The following PLPP6 variants were observed in gnomAD, a reference collection of about 807,000 sequenced individuals.
The protein encoded by PLPP6 is polyisoprenoid diphosphate/phosphate phosphohydrolase PLPP6.
PLPP6 carries 16 observed loss-of-function variants against 16.5 expected under a neutral mutation model. The ratio of observed to expected loss-of-function variants is 0.97; its 90% CI spans 0.66 to 1.47. The LOEUF (loss-of-function observed/expected upper bound fraction) is 1.47. Ranked by LOEUF, PLPP6 falls within the 40% of genes most tolerant of loss-of-function variation. The probability of loss-of-function intolerance (pLI) is 0.00; values close to 1 mark genes in which losing one functional copy is unlikely to be tolerated. For missense variants in PLPP6, 512 were observed against 396.6 expected (o/e 1.29, Z -2.47); for synonymous variants, 226 against 188.1 (o/e 1.20, Z -1.65).
In PLPP6 at chr9:4,662,384, TC is replaced by T; in HGVS notation, c.13del (p.Arg5GlyfsTer90). The T allele has an allele frequency of 2.6e-6, 4 of 1,520,014 alleles. No homozygotes were observed. The highest frequency in any genetic ancestry group is 2.6e-6 in the Non-Finnish European group (3 of 1,141,510). 94.2% of individuals were successfully genotyped at this position (1,520,014 alleles called of 1,614,324 possible). A position where few individuals can be genotyped will look rare whatever the true frequency, so the allele number is the denominator to read the frequency against. On this transcript the variant is annotated frameshift_variant, in exon 1 of 1. Coordinates refer to ENST00000381883, the MANE Select transcript of PLPP6 (RefSeq NM_203453.5). LOFTEE classifies it high-confidence loss of function. This position sits in a 1 kb window ranked among gnomAD's most constrained non-coding sequence, Gnocchi z 4.9. MPSPRRSMEGRPLG... is the reference protein window; with the variant it reads MPSXRRSMEGRPLG... ...CCGGGCCGCCAGCTGCGATGCCAAG[TC>T]CCCGGAGGAGCATGGAGGGACGGCC...
chr9:4,662,434 G>A lies in PLPP6; in HGVS notation c.59G>A (p.Ser20Asn). The part of the protein sequence containing the change: ...GRPLGVSASS[S>N]SSSPGSPAHG... ...CCGCTGGGCGTCTCCGCTTCGAGCA[G>A]CAGCAGCAGCCCCGGCAGCCCAGCC... Residue 20 changes from serine (S) to asparagine (N), a missense_variant, in exon 1 of 1, where the codon AGC (serine) becomes AAC (asparagine). Ser to Asn is a conservative substitution (Grantham distance 46, BLOSUM62 1). Coordinates refer to ENST00000381883, the MANE Select transcript of PLPP6 (RefSeq NM_203453.5). This position sits in a 1 kb window ranked among gnomAD's most constrained non-coding sequence, Gnocchi z 4.9. The A allele has an allele frequency of 2.6e-6, 4 of 1,543,546 alleles. No individual in the cohort carries two copies. The highest frequency in any genetic ancestry group is 3.5e-6 in the Non-Finnish European group (4 of 1,153,202).
rs1041468444 is a variant in PLPP6, at chr9:4,664,399, G to C, written c.*1136G>C. 1 of 167,032 alleles carries C rather than the reference G, an allele frequency of 6.0e-6. No individual in the cohort carries two copies. Among genetic ancestry groups the C allele is most frequent in the Non-Finnish European group, 1.5e-5 (1 of 68,118 alleles). 10.3% of individuals were successfully genotyped at this position (167,032 alleles called of 1,614,324 possible). A position where few individuals can be genotyped will look rare whatever the true frequency, so the allele number is the denominator to read the frequency against. On this transcript the variant is annotated 3_prime_UTR_variant, in exon 1 of 1. Transcript: ENST00000381883. ...GAGGTACAGCACATTTTAGGTAACA[G>C]TATTTAACTTGAAATTCATCATGGG...
chr9:4,662,312 G>T lies in PLPP6; in HGVS notation c.-64G>T, dbSNP rs1839994610. The T allele has an allele frequency of 1.4e-6, 2 of 1,438,946 alleles. No homozygotes were observed. The highest frequency in any genetic ancestry group is 1.8e-6 in the Non-Finnish European group (2 of 1,101,992). The allele number at this position is 1,438,946 out of a possible 1,614,324, so 89.1% of individuals were successfully genotyped here. A position where few individuals can be genotyped will look rare whatever the true frequency, so the allele number is the denominator to read the frequency against. On this transcript the variant is annotated 5_prime_UTR_variant, in exon 1 of 1. Coordinates refer to ENST00000381883, the MANE Select transcript of PLPP6 (RefSeq NM_203453.5). The surrounding 1 kb of genome is among the most constrained non-coding windows in gnomAD (Gnocchi z 4.9). ...GGATGGTAGTGCGGAAGCGGAAGAG[G>T]CTGCAGGGCCGGGAAGCCTCTGTTT...
rs1177464798 is a variant in PLPP6, at chr9:4,663,301, G to A, written c.*38G>A. The A allele has an allele frequency of 1.3e-6, 2 of 1,584,320 alleles. No individual in the cohort carries two copies. The highest frequency in any genetic ancestry group is 1.3e-5 in the African/African-American group (1 of 74,196). ...GATTATGGCACCAGGAAGTCTGAAG[G>A]TTTCCACATTCGATGATGTCAACCT... On this transcript the variant is annotated 3_prime_UTR_variant, in exon 1 of 1. Coordinates refer to ENST00000381883, the MANE Select transcript of PLPP6 (RefSeq NM_203453.5).
At position 4,662,339 on chromosome 9, in the gene PLPP6, G is replaced by A. The variant is rs914904930; in HGVS notation, c.-37G>A. On this transcript the variant is annotated 5_prime_UTR_variant, in exon 1 of 1. Coordinates refer to ENST00000381883, the MANE Select transcript of PLPP6 (RefSeq NM_203453.5). The surrounding 1 kb of genome is among the most constrained non-coding windows in gnomAD (Gnocchi z 4.9). ...TGCAGGGCCGGGAAGCCTCTGTTTG[G>A]TCCGGCCAGGTCCCGGGATCCGGGC... is the stretch of plus-strand genomic sequence containing the variant. 24 of 1,467,888 alleles carry A rather than the reference G, an allele frequency of 1.6e-5. No homozygotes were observed. Among genetic ancestry groups the A allele is most frequent in the Non-Finnish European group, 2.1e-5 (24 of 1,117,036 alleles). The allele number at this position is 1,467,888 out of a possible 1,614,324, so 90.9% of individuals were successfully genotyped here. A position where few individuals can be genotyped will look rare whatever the true frequency, so the allele number is the denominator to read the frequency against.
rs1337480012 is a variant in PLPP6, at chr9:4,662,921, G to A, written c.546G>A (p.Leu182=). 1.2e-6 allele frequency: 2 copies of A among 1,610,408 alleles called. No individual in the cohort carries two copies. Among genetic ancestry groups the A allele is most frequent in the Admixed American group, 1.7e-5 (1 of 60,014 alleles). Residue 182 remains leucine, a synonymous_variant, in exon 1 of 1, where the codon TTG becomes TTA. Coordinates refer to ENST00000381883, the MANE Select transcript of PLPP6 (RefSeq NM_203453.5). This position sits in a 1 kb window ranked among gnomAD's most constrained non-coding sequence, Gnocchi z 4.9. ...TGTTGGACCTGCTGCTGGTGGCCTT[G>A]ATCAAAGGGCTGGTCCGCAGGCGCC... is the stretch of plus-strand genomic sequence containing the variant. ...ALLLDLLLVA[L]IKGLVRRRRP... is the part of the protein sequence containing the mutation.
Position 4,662,978 on chromosome 9 carries a change from CA to C in PLPP6, c.604del (p.Thr202LeufsTer19). 1 of 1,612,990 alleles carries C rather than the reference CA, an allele frequency of 6.2e-7. No individual in the cohort carries two copies. The highest frequency in any genetic ancestry group is 2.2e-5 in the East Asian group (1 of 44,842). On this transcript the variant is annotated frameshift_variant, in exon 1 of 1. Transcript: ENST00000381883. LOFTEE classifies it high-confidence loss of function. The surrounding 1 kb of genome is among the most constrained non-coding windows in gnomAD (Gnocchi z 4.9). ...CCCACAACCAGATGGACATGTTTGT[CA>C]CTCTCTCGGTGGACAAGTACTCCTT... The part of the protein sequence containing the change: ...PAHNQMDMFV[T>X]LSVDKYSFPS...
rs765139825 is a variant in PLPP6 at position 4,662,609 on chromosome 9, C to T, written c.234C>T (p.Pro78=). The change falls in exon 1 of 1, where the codon CCC becomes CCT. Residue 78 remains proline (P), a synonymous_variant. Transcript: ENST00000381883. The surrounding 1 kb of genome is among the most constrained non-coding windows in gnomAD (Gnocchi z 4.9). ...CCTTCCCCCTGGCCGCGGCGGGCCC[C>T]TCGCAGTCGCCCGCGCCTCCGCTGC... ...RGSFPLAAAG[P]SQSPAPPLPE... 3.2e-5 allele frequency: 51 copies of T among 1,595,256 alleles called. No homozygotes were observed. Among genetic ancestry groups the T allele is most frequent in the Non-Finnish European group, 4.1e-5 (48 of 1,178,154 alleles).
chr9:4,662,835 C>A lies in PLPP6; in HGVS notation c.460C>A (p.Leu154Met). The A allele has an allele frequency of 6.2e-7, 1 of 1,605,320 alleles. No individual in the cohort carries two copies. Among genetic ancestry groups the A allele is most frequent in the Non-Finnish European group, 8.5e-7 (1 of 1,179,960 alleles). The change falls in exon 1 of 1, where the codon CTG (leucine) becomes ATG (methionine). Residue 154 changes from leucine to methionine, a missense_variant. Leu to Met is a conservative substitution (Grantham distance 15, BLOSUM62 2). Transcript: ENST00000381883. The surrounding 1 kb of genome is among the most constrained non-coding windows in gnomAD (Gnocchi z 4.9). ...CTGGCTGCTGGGCACCCTCTACTGC[C>A]TGTGCAGGAGCGACAGCTGGGCCGG... The part of the protein sequence containing the change: ...IPWLLGTLYC[L>M]CRSDSWAGRE...
Position 4,662,999 on chromosome 9 carries a change from C to G in PLPP6, c.624C>G (p.Tyr208Ter), listed in dbSNP as rs142236109. ...TTGTCACTCTCTCGGTGGACAAGTA[C>G]TCCTTCCCCTCGGGCCATGCCACAA... ...DMFVTLSVDK[Y>*]SFPSGHATRA... The change falls in exon 1 of 1, where the codon TAC becomes TAG. Residue 208 changes from tyrosine (Y) to a stop codon, truncating the protein, a stop_gained. Transcript: ENST00000381883. LOFTEE classifies it high-confidence loss of function. This position sits in a 1 kb window ranked among gnomAD's most constrained non-coding sequence, Gnocchi z 4.9. 6.2e-7 allele frequency: 1 copy of G among 1,610,532 alleles called. No individual in the cohort carries two copies. Among genetic ancestry groups the G allele is most frequent in the Non-Finnish European group, 8.5e-7 (1 of 1,178,866 alleles).
chr9:4,662,406 C>G lies in PLPP6; in HGVS notation c.31C>G (p.Arg11Gly), dbSNP rs1473367843. The G allele has an allele frequency of 6.5e-7, 1 of 1,535,606 alleles. No homozygotes were observed. The highest frequency in any genetic ancestry group is 8.7e-7 in the Non-Finnish European group (1 of 1,148,952). MPSPRRSMEG[R>G]PLGVSASSSS... ...AAGTCCCCGGAGGAGCATGGAGGGA[C>G]GGCCGCTGGGCGTCTCCGCTTCGAG... The change falls in exon 1 of 1, where the codon CGG (arginine) becomes GGG (glycine). Residue 11 changes from arginine to glycine, a missense_variant. Coordinates refer to ENST00000381883, the MANE Select transcript of PLPP6 (RefSeq NM_203453.5). The surrounding 1 kb of genome is among the most constrained non-coding windows in gnomAD (Gnocchi z 4.9).
rs938368211 is a variant in PLPP6 at position 4,663,964 on chromosome 9, A to G, written c.*701A>G. The G allele has an allele frequency of 6.0e-6, 1 of 167,000 alleles. No homozygotes were observed. The highest frequency in any genetic ancestry group is 2.4e-5 in the African/African-American group (1 of 41,414). 10.3% of individuals were successfully genotyped at this position (167,000 alleles called of 1,614,324 possible). A position where few individuals can be genotyped will look rare whatever the true frequency, so the allele number is the denominator to read the frequency against. On this transcript the variant is annotated 3_prime_UTR_variant, in exon 1 of 1. Coordinates refer to ENST00000381883, the MANE Select transcript of PLPP6 (RefSeq NM_203453.5). ...CTCAAAAGATCTTTATGCATTTCCCACTACTCCCTTACTGTCTTTTAGCAT... is the reference window on the plus strand; with the variant it reads ...CTCAAAAGATCTTTATGCATTTCCCGCTACTCCCTTACTGTCTTTTAGCAT...
rs1467251979 is a variant in PLPP6 at position 4,662,370 on chromosome 9, G to A, written c.-6G>A. On this transcript the variant is annotated 5_prime_UTR_variant, in exon 1 of 1. Coordinates refer to ENST00000381883, the MANE Select transcript of PLPP6 (RefSeq NM_203453.5). The surrounding 1 kb of genome is among the most constrained non-coding windows in gnomAD (Gnocchi z 4.9). Reference sequence around the variant, plus strand: ...CCAGGTCCCGGGATCCGGGCCGCCAGCTGCGATGCCAAGTCCCCGGAGGAG... The same window carrying A: ...CCAGGTCCCGGGATCCGGGCCGCCAACTGCGATGCCAAGTCCCCGGAGGAG... The A allele has an allele frequency of 1.3e-6, 2 of 1,503,982 alleles. No homozygotes were observed. Among genetic ancestry groups the A allele is most frequent in the Non-Finnish European group, 1.8e-6 (2 of 1,134,500 alleles). The allele number at this position is 1,503,982 out of a possible 1,614,324, so 93.2% of individuals were successfully genotyped here.
rs1443563348 is a variant in PLPP6, at chr9:4,664,783, C to G, written c.*1520C>G. The G allele has an allele frequency of 6.0e-6, 1 of 167,076 alleles. No individual in the cohort carries two copies. The highest frequency in any genetic ancestry group is 1.5e-5 in the Non-Finnish European group (1 of 68,132). 10.3% of individuals were successfully genotyped at this position (167,076 alleles called of 1,614,324 possible). ...TAAGTAGGTTTTGATTGAGTGAAAGCATGAGCTTGTTCAGAGTGAGGGGCA... is the reference window on the plus strand; with the variant it reads ...TAAGTAGGTTTTGATTGAGTGAAAGGATGAGCTTGTTCAGAGTGAGGGGCA... On this transcript the variant is annotated 3_prime_UTR_variant, in exon 1 of 1. Coordinates refer to ENST00000381883, the MANE Select transcript of PLPP6 (RefSeq NM_203453.5).
chr9:4,663,119 A>G lies in PLPP6; in HGVS notation c.744A>G (p.Leu248=). 1 of 1,614,038 alleles carries G rather than the reference A, an allele frequency of 6.2e-7. No individual in the cohort carries two copies. The highest frequency in any genetic ancestry group is 1.1e-5 in the South Asian group (1 of 91,078). The change falls in exon 1 of 1, where the codon CTA becomes CTG. Residue 248 remains leucine (L), a synonymous_variant. Coordinates refer to ENST00000381883, the MANE Select transcript of PLPP6 (RefSeq NM_203453.5). ...LVVLWAFVLG[L]SRVMLGRHNV... ...TTCTGTGGGCCTTCGTCTTGGGCCT[A>G]TCCAGGGTCATGCTGGGGCGGCACA...
Position 4,664,006 on chromosome 9 carries a change from C to G in PLPP6, c.*743C>G. On this transcript the variant is annotated 3_prime_UTR_variant, in exon 1 of 1. Coordinates refer to ENST00000381883, the MANE Select transcript of PLPP6 (RefSeq NM_203453.5). ...TTTTAGCATTCAGAGAAAAAGCCAA[C>G]TTGCTTAAAGAGGAATCACTTAAAA... is the stretch of plus-strand genomic sequence containing the variant. The G allele has an allele frequency of 6.0e-6, 1 of 167,160 alleles. No individual in the cohort carries two copies. The allele number at this position is 167,160 out of a possible 1,614,324, so 10.4% of individuals were successfully genotyped here.
chr9:4,662,427 T>C lies in PLPP6; in HGVS notation c.52T>C (p.Ser18Pro). 6.5e-7 allele frequency: 1 copy of C among 1,541,674 alleles called. No individual in the cohort carries two copies. Among genetic ancestry groups the C allele is most frequent in the Non-Finnish European group, 8.7e-7 (1 of 1,152,216 alleles). ...GGGACGGCCGCTGGGCGTCTCCGCTTCGAGCAGCAGCAGCAGCCCCGGCAG... is the reference window on the plus strand; with the variant it reads ...GGGACGGCCGCTGGGCGTCTCCGCTCCGAGCAGCAGCAGCAGCCCCGGCAG... Reference protein sequence around the residue: ...MEGRPLGVSASSSSSSPGSPA... With the variant: ...MEGRPLGVSAPSSSSSPGSPA... The change falls in exon 1 of 1, where the codon TCG becomes CCG. Residue 18 changes from serine (S) to proline (P), a missense_variant. By Grantham distance (74) the Ser-to-Pro change is moderately conservative (BLOSUM62 -1). Coordinates refer to ENST00000381883, the MANE Select transcript of PLPP6 (RefSeq NM_203453.5). The surrounding 1 kb of genome is among the most constrained non-coding windows in gnomAD (Gnocchi z 4.9).
At position 4,664,727 on chromosome 9, in the gene PLPP6, C is replaced by T. The variant is rs1310104502; in HGVS notation, c.*1464C>T. 3 of 167,042 alleles carry T rather than the reference C, an allele frequency of 1.8e-5. No homozygotes were observed. The highest frequency in any genetic ancestry group is 7.2e-5 in the African/African-American group (3 of 41,424). The allele number at this position is 167,042 out of a possible 1,614,324, so 10.3% of individuals were successfully genotyped here. ...TGATTATGGACTTTGATCTGCCATA[C>T]GGAGGTTCGGAACCTGGAGAACGGC... On this transcript the variant is annotated 3_prime_UTR_variant, in exon 1 of 1. Coordinates refer to ENST00000381883, the MANE Select transcript of PLPP6 (RefSeq NM_203453.5).
Position 4,662,493 on chromosome 9 carries a change from T to A in PLPP6, c.118T>A (p.Phe40Ile). ...CGGTGGCGGCGGCAGCAGGTTTGAG[T>A]TCCAGTCCCTGCTCAGCAGCCGCGC... ...GGGGGGSRFE[F>I]QSLLSSRATA... Residue 40 changes from phenylalanine to isoleucine, a missense_variant, in exon 1 of 1, where the codon TTC becomes ATC. By Grantham distance (21) the Phe-to-Ile change is conservative. Coordinates refer to ENST00000381883, the MANE Select transcript of PLPP6 (RefSeq NM_203453.5). This position sits in a 1 kb window ranked among gnomAD's most constrained non-coding sequence, Gnocchi z 4.9. The A allele has an allele frequency of 6.4e-7, 1 of 1,558,176 alleles. No individual in the cohort carries two copies. Among genetic ancestry groups the A allele is most frequent in the South Asian group, 1.2e-5 (1 of 85,702 alleles).
Sources: gnomAD v4.1 joint callset for allele counts on GRCh38, gnomAD v4.1.1 for gene constraint, Gnocchi (gnomAD v3.1) non-coding constraint, MANE v1.5 for transcripts, NCBI Gene and HGNC (gene_info 2026-07-23, HGNC 2026-07-21) for gene names.